PKM: variants seen among roughly 807,000 people sequenced by gnomAD.
The protein encoded by PKM is pyruvate kinase PKM.
In PKM, 18 loss-of-function variants were observed where a neutral mutation model predicts 49.8. That is an observed-to-expected ratio of 0.36 (90% CI 0.25 to 0.54). The LOEUF (loss-of-function observed/expected upper bound fraction) is 0.54. PKM is among the 20% of genes least tolerant of loss of function. The probability of loss-of-function intolerance (pLI) is 0.89; values close to 1 mark genes in which losing one functional copy is unlikely to be tolerated. For missense variants in PKM, 508 were observed against 713.8 expected, an observed-to-expected ratio of 0.71 and a Z score of 3.28; for synonymous variants, 239 against 261.8, an observed-to-expected ratio of 0.91 and a Z score of 0.84.
chr15:72,219,721 C>T (rs1441353023), intron 1 of PKM, among the ~76,000 whole-genome samples: 1 of 152,208 alleles, frequency 6.6e-6, no homozygotes, highest in East Asian at 1.9e-4. Flanking sequence ...AGAAGGATGT[C>T]AGGACACGCA....
At chr15:72,205,961 G>T (rs181542519) in intron 8 of PKM, among the ~76,000 whole-genome samples, 1 of 152,248 alleles carries the variant, frequency 6.6e-6, no homozygotes, top group South Asian at 2.1e-4. Context: ...TGACAAGCTG[G>T]AAGAGCCTGA....
chr15:72,206,215 A>T (rs2082074673), intron 8 of PKM: 1 of 165,450 alleles, frequency 6.0e-6, no homozygotes, highest in Non-Finnish European at 1.3e-5. Context: ...AAGGCAACAG[A>T]CTCCAGTGCA....
At position 72,200,464 on chromosome 15, in the gene PKM, A is replaced by T; in HGVS notation, c.1489+10T>A. 1 of 1,612,108 alleles carries T rather than the reference A, an allele frequency of 6.2e-7. No individual in the cohort carries two copies. The highest frequency in any genetic ancestry group is 8.5e-7 in the Non-Finnish European group (1 of 1,179,436). On this transcript the variant is annotated intron_variant, in intron 10 of 10. Coordinates refer to ENST00000335181, the MANE Select transcript of PKM (RefSeq NM_002654.6). This position sits in a 1 kb window ranked among gnomAD's most constrained non-coding sequence, Gnocchi z 4.6. The stretch of plus-strand genomic sequence containing the variant: ...TCCTCTAGGCTCTAGCCCCTGCTCC[A>T]GCCACGTACCAACATTCATGGCAAA...
intron 1 of PKM, among the ~76,000 whole-genome samples, chr15:72,223,985 G>T (rs2082595598): frequency 6.6e-6 from 1 of 151,958 alleles, no homozygotes; most frequent in South Asian, 2.1e-4. Context: ...TTGTCAACAG[G>T]AACCTAAGGT....
At chr15:72,205,026 T>C (rs1269542296) in intron 8 of PKM, among the ~76,000 whole-genome samples, 1 of 152,034 alleles carries the variant, frequency 6.6e-6, no homozygotes, top group East Asian at 1.9e-4. Context: ...AGCAATCACA[T>C]CACACGAATG....
In PKM at chr15:72,210,328, C is replaced by A; in HGVS notation, c.378+19G>T. 1 of 1,612,324 alleles carries A rather than the reference C, an allele frequency of 6.2e-7. No homozygotes were observed. Among genetic ancestry groups the A allele is most frequent in the South Asian group, 1.1e-5 (1 of 91,054 alleles). On this transcript the variant is annotated intron_variant, in intron 4 of 10. Transcript: ENST00000335181. ...TATTGCCTACTGAGCCTTCCCCTCG[C>A]TCTCCGCAGAATACTCACGCCCTTG...
chr15:72,216,731 G>A (rs1430305678), intron 3 of PKM, among the ~76,000 whole-genome samples: 1 of 152,218 alleles, frequency 6.6e-6, no homozygotes, highest in Non-Finnish European at 1.5e-5. Flanking sequence ...CATCCCAACA[G>A]CTGCTACCTG....
intron 1 of PKM, among the ~76,000 whole-genome samples, chr15:72,227,659 T>A (rs781634738): frequency 1.4e-5 from 2 of 142,612 alleles, no homozygotes; most frequent in Non-Finnish European, 3.0e-5. Context: ...GGCAGGAGAA[T>A]TGCTTGAACC....
At position 72,209,673 on chromosome 15, in the gene PKM, C is replaced by T. The variant is rs2082194515; in HGVS notation, c.565G>A (p.Gly189Ser). 2.5e-6 allele frequency: 4 copies of T among 1,613,018 alleles called. No individual in the cohort carries two copies. The highest frequency in any genetic ancestry group is 2.7e-5 in the African/African-American group (2 of 74,918). Residue 189 changes from glycine to serine, a missense_variant and splice_region_variant, in exon 5 of 11, where the codon GGT becomes AGT. Physicochemically the swap from Gly to Ser is moderately conservative, Grantham distance 56. Transcript: ENST00000335181. ...ACTGGACTCCAGCTCCCATACGTAC[C>T]TTTCTGCTTCACCTGGAGAGAAATA... Reference protein sequence around the residue: ...GLISLQVKQKGADFLVTEVEN... With the variant: ...GLISLQVKQKSADFLVTEVEN...
chr15:72,214,980 C>A (rs369679011), intron 3 of PKM, among the ~76,000 whole-genome samples: 1 of 151,710 alleles, frequency 6.6e-6, no homozygotes, highest in Non-Finnish European at 1.5e-5. Flanking sequence ...AGTCGGATCA[C>A]CTGAGGTCAC....
chr15:72,203,483 A>G (rs2081997473), intron 8 of PKM: 2 of 436,720 alleles, frequency 4.6e-6, no homozygotes, highest in East Asian at 9.6e-5. Flanking sequence ...GCACCCTGGC[A>G]TGAAAACATG....
chr15:72,210,573 G>A, intron 3 of PKM, 95 bp from the exon 4 acceptor site: 1 of 1,399,814 alleles, frequency 7.1e-7, no homozygotes, highest in South Asian at 1.2e-5. Flanking sequence ...ACTCAGGAAA[G>A]GCCCGTGGAT....
chr15:72,223,458 C>G (rs554208478), intron 1 of PKM, among the ~76,000 whole-genome samples: 1 of 152,254 alleles, frequency 6.6e-6, no homozygotes, highest in Non-Finnish European at 1.5e-5. Context: ...CTTCCTGTGA[C>G]GTCAGTTTGC....
chr15:72,228,620 G>GA (rs1228811801), intron 1 of PKM: 2 of 1,283,932 alleles, frequency 1.6e-6, no homozygotes. Flanking sequence ...TTGAAAGGTT[G>GA]AGTCATCTTC....
chr15:72,221,234 G>A lies in PKM; in HGVS notation c.-13-2124C>T, dbSNP rs866884251. On this transcript the variant is annotated intron_variant, in intron 1 of 10. Transcript: ENST00000335181. ...CCCTTTTGGCTCAGGGTGGCTCCTT[G>A]GCCTCACTAGCAAAGACCGCTCAGA... 5.9e-6 allele frequency: 9 copies of A among 1,535,396 alleles called. No individual in the cohort carries two copies. In the African/African-American group the frequency reaches 1.2e-4, roughly 21 times the overall value.
chr15:72,223,546 C>T (rs1206052493), intron 1 of PKM, among the ~76,000 whole-genome samples: 1 of 152,154 alleles, frequency 6.6e-6, no homozygotes, highest in Non-Finnish European at 1.5e-5. Flanking sequence ...AGAAAGTCTG[C>T]ATCATGATAC....
chr15:72,227,744 C>CAAAAAAAAAA (rs34876633), intron 1 of PKM, among the ~76,000 whole-genome samples: 4 of 10,802 alleles, frequency 3.7e-4, no homozygotes, highest in African/African-American at 5.9e-4. Context: ...AAAACTATCT[C>CAAAAAAAAAA]AAAAAAAAAA....
At chr15:72,214,033 T>C (rs1016602429) in intron 3 of PKM, among the ~76,000 whole-genome samples, 1 of 152,366 alleles carries the variant, frequency 6.6e-6, no homozygotes, top group South Asian at 2.1e-4. Context: ...TGAGCTATAA[T>C]CTTACAAAAT....
At chr15:72,221,542 G>A (rs1298813354) in intron 1 of PKM, among the ~76,000 whole-genome samples, 2 of 150,100 alleles carry the variant, frequency 1.3e-5, no homozygotes, top group Admixed American at 6.7e-5. Context: ...TTAATAGGAC[G>A]TCATTGGGGT....
Sources: allele counts gnomAD v4.1 joint callset (sites outside exome capture counted in the v4.1 genomes callset), GRCh38; gene constraint gnomAD v4.1.1; non-coding constraint Gnocchi (gnomAD v3.1); transcripts MANE v1.5; gene names NCBI Gene and HGNC (gene_info 2026-07-23, HGNC 2026-07-21).